The following RNF115 variants were observed in gnomAD, a reference collection of about 807,000 sequenced individuals.
The protein encoded by RNF115 is E3 ubiquitin-protein ligase RNF115.
RNF115 carries 31 observed loss-of-function variants against 39.2 expected under a neutral mutation model. The observed-to-expected ratio is 0.79, with a 90% CI of 0.59 to 1.07. The LOEUF is 1.07. RNF115 is among the 50% of genes least tolerant of loss of function. The pLI is 0.00. For synonymous variants in RNF115, 124 were observed against 131.0 expected (o/e 0.95, Z 0.37); for missense variants, 384 against 381.7 (o/e 1.01, Z -0.05).
chr1:145,769,129 G>A (rs1005821513), intron 4 of RNF115, among the ~76,000 whole-genome samples: 5 of 152,158 alleles, frequency 3.3e-5, no homozygotes, highest in Non-Finnish European at 7.4e-5. Flanking sequence ...TTTAGTATAA[G>A]TAAACAGTTA....
At chr1:145,800,208 G>C (rs1305056184) in intron 1 of RNF115, among the ~76,000 whole-genome samples, 1 of 152,164 alleles carries the variant, frequency 6.6e-6, no homozygotes, top group Non-Finnish European at 1.5e-5. Context: ...GAAGTAATTT[G>C]TTACATTAGA....
chr1:145,750,585 G>A, intron 6 of RNF115, 85 bp from the exon 7 acceptor site: 2 of 994,524 alleles, frequency 2.0e-6, no homozygotes, highest in East Asian at 2.5e-5. Context: ...AGAACAAACA[G>A]TGCAGACATT....
intron 4 of RNF115, 145 bp downstream of exon 4, chr1:145,771,566 C>T: frequency 1.5e-6 from 1 of 648,732 alleles, no homozygotes; most frequent in Non-Finnish European, 2.6e-6. Context: ...TACTAACATT[C>T]AATTTAGCTT....
intron 4 of RNF115, among the ~76,000 whole-genome samples, chr1:145,766,984 G>A (rs1239514549): frequency 3.6e-5 from 5 of 139,910 alleles, no homozygotes; most frequent in African/African-American, 1.1e-4. Flanking sequence ...GGCTGGCCGG[G>A]CAGAGGGGCT....
At chr1:145,811,184 G>T (rs587717664) in intron 1 of RNF115, among the ~76,000 whole-genome samples, 3 of 152,098 alleles carry the variant, frequency 2.0e-5, no homozygotes, top group African/African-American at 7.2e-5. Context: ...ATTTTAATAT[G>T]CACTAAATGT....
chr1:145,792,828 G>A (rs1213040890), intron 1 of RNF115, among the ~76,000 whole-genome samples: 1 of 152,084 alleles, frequency 6.6e-6, no homozygotes, highest in Non-Finnish European at 1.5e-5. Context: ...TATTAATATC[G>A]ACTTTACCTT....
chr1:145,739,095 T>C lies in RNF115; in HGVS notation c.*7771A>G, dbSNP rs1657613221. The C allele has an allele frequency of 6.6e-6, 1 of 152,556 alleles. No homozygotes were observed. The highest frequency in any genetic ancestry group is 6.5e-5 in the Admixed American group (1 of 15,284). 9.5% of individuals were successfully genotyped at this position (152,556 alleles called of 1,614,324 possible). The stretch of plus-strand genomic sequence containing the variant: ...CACAGACTACAACTGCCCAGCTTCA[T>C]CTAAATACTTGTTAACCTCTTTGGT... On this transcript the variant is annotated 3_prime_UTR_variant, in exon 9 of 9. Transcript: ENST00000582693.
chr1:145,757,389 T>C (rs1310252167), intron 4 of RNF115, among the ~76,000 whole-genome samples: 1 of 152,176 alleles, frequency 6.6e-6, no homozygotes, highest in Non-Finnish European at 1.5e-5. Context: ...GATTGGTGGA[T>C]GTGGCTTTTG....
intron 3 of RNF115, chr1:145,772,729 T>A (rs1238661682): frequency 3.3e-5 from 5 of 152,192 alleles, no homozygotes; most frequent in Admixed American, 3.3e-4. Context: ...TTATCCTTCT[T>A]GGGTGTTAGC....
intron 1 of RNF115, among the ~76,000 whole-genome samples, chr1:145,795,753 C>A (rs12724816): frequency 0.28 from 43,273 of 152,002 alleles, 7,183 homozygotes; most frequent in Non-Finnish European, 0.37. Context: ...ACAAGTACTC[C>A]TTCCATTTAT....
intron 2 of RNF115, chr1:145,787,073 G>C: frequency 4.7e-6 from 6 of 1,264,434 alleles, no homozygotes; most frequent in Non-Finnish European, 6.2e-6. Context: ...TCTGCCAACA[G>C]TAACAGTAAA....
chr1:145,815,200 A>G (rs1459486992), intron 1 of RNF115, among the ~76,000 whole-genome samples: 5 of 152,304 alleles, frequency 3.3e-5, no homozygotes, highest in Admixed American at 3.3e-4. Flanking sequence ...AGCACCTGGT[A>G]GAGCCAAACT....
At position 145,743,033 on chromosome 1, in the gene RNF115, T is replaced by G. The variant is rs587674716; in HGVS notation, c.*3833A>C. On this transcript the variant is annotated 3_prime_UTR_variant, in exon 9 of 9. Transcript: ENST00000582693. The stretch of plus-strand genomic sequence containing the variant: ...CATTATTAACTTGGTGAAACTTAAT[T>G]GGGATGAGGAGCACTCTGTATACAT... The G allele has an allele frequency of 9.9e-5, 15 of 152,280 alleles. No individual in the cohort carries two copies. The highest frequency in any genetic ancestry group is 3.6e-4 in the African/African-American group (15 of 41,560). The allele number at this position is 152,280 out of a possible 1,614,324, so 9.4% of individuals were successfully genotyped here. A position where few individuals can be genotyped will look rare whatever the true frequency, so the allele number is the denominator to read the frequency against.
intron 3 of RNF115, chr1:145,772,470 A>G (rs1647687343): frequency 6.6e-6 from 1 of 152,452 alleles, no homozygotes; most frequent in African/African-American, 2.4e-5. Context: ...TTTCTTCTTA[A>G]TTCCTGAAGG....
At chr1:145,764,126 G>C (rs1256701872) in intron 4 of RNF115, among the ~76,000 whole-genome samples, 1 of 152,186 alleles carries the variant, frequency 6.6e-6, no homozygotes, top group African/African-American at 2.4e-5. Context: ...GTGTTGGCCG[G>C]GCTGGTCTCC....
In RNF115 at chr1:145,759,453, C is replaced by A. The variant is rs185414956; in HGVS notation, c.429-6404G>T. Among the ~76,000 whole-genome samples the A allele has an allele frequency of 1.3e-3, 196 of 152,240 alleles. 2 individuals are homozygous for A. The highest frequency in any genetic ancestry group is 1.2e-3 in the Non-Finnish European group (84 of 68,014). Reference sequence around the variant, plus strand: ...ATTCTTCTTGTTTTCAGGCCAAAAACCTTGGTGTCATAACTCTTCTTTCTG... The same window carrying A: ...ATTCTTCTTGTTTTCAGGCCAAAAAACTTGGTGTCATAACTCTTCTTTCTG... On this transcript the variant is annotated intron_variant, in intron 4 of 8. Coordinates refer to ENST00000582693, the MANE Select transcript of RNF115 (RefSeq NM_014455.4).
chr1:145,765,355 C>G (rs974827043), intron 4 of RNF115, among the ~76,000 whole-genome samples: 1 of 151,914 alleles, frequency 6.6e-6, no homozygotes, highest in Non-Finnish European at 1.5e-5. Context: ...GACCTTCCCT[C>G]CACTATTGTC....
intron 4 of RNF115, among the ~76,000 whole-genome samples, chr1:145,770,387 A>G (rs1167614548): frequency 3.9e-5 from 6 of 152,156 alleles, no homozygotes; most frequent in Admixed American, 2.6e-4. Flanking sequence ...GCTCTAGAAC[A>G]GCACTGTTCA....
intron 4 of RNF115, among the ~76,000 whole-genome samples, chr1:145,769,296 T>A (rs1647528937): frequency 6.6e-6 from 1 of 152,192 alleles, no homozygotes; most frequent in Non-Finnish European, 1.5e-5. Flanking sequence ...ATGGTTATAG[T>A]GAGGATTAAA....
Sources: allele counts gnomAD v4.1 joint callset (sites outside exome capture counted in the v4.1 genomes callset), GRCh38; gene constraint gnomAD v4.1.1; transcripts MANE v1.5; gene names NCBI Gene and HGNC (gene_info 2026-07-23, HGNC 2026-07-21).